GOLGA4: variants seen among roughly 807,000 people sequenced by gnomAD.
GOLGA4 encodes golgin A4.
A neutral mutation model predicts 265.9 loss-of-function variants in GOLGA4; 169 were observed. That is an observed-to-expected ratio of 0.64 (90% CI 0.56 to 0.72). The LOEUF (loss-of-function observed/expected upper bound fraction) is 0.72. GOLGA4 is among the 30% of genes least tolerant of loss of function. The pLI, the probability that GOLGA4 is intolerant of heterozygous loss-of-function variation, is 0.00. For missense variants in GOLGA4, 2,482 were observed against 2,483.4 expected, an observed-to-expected ratio of 1.00 and a Z score of 0.01; for synonymous variants, 923 against 855.8, an observed-to-expected ratio of 1.08 and a Z score of -1.37.
intron 21 of GOLGA4, 79 bp from the exon 22 acceptor site, chr3:37,355,022 C>A (rs1221604195): frequency 1.2e-6 from 1 of 817,892 alleles, no homozygotes. Context: ...AAGAATCCCA[C>A]CAGCAGAACA....
chr3:37,253,441 A>G (rs950918696), intron 2 of GOLGA4, among the ~76,000 whole-genome samples: 1 of 152,204 alleles, frequency 6.6e-6, no homozygotes, highest in African/African-American at 2.4e-5. Flanking sequence ...AGTTGAAGTA[A>G]GGTTTAGATT....
intron 2 of GOLGA4, among the ~76,000 whole-genome samples, chr3:37,262,597 T>C (rs1242838650): frequency 6.6e-6 from 1 of 151,644 alleles, no homozygotes; most frequent in Non-Finnish European, 1.5e-5. Flanking sequence ...AAGAGAAAAT[T>C]ATAGAATTCA....
At chr3:37,350,704 A>G (rs1302306626) in intron 21 of GOLGA4, among the ~76,000 whole-genome samples, 1 of 152,142 alleles carries the variant, frequency 6.6e-6, no homozygotes, top group East Asian at 1.9e-4. Context: ...AATGAATATC[A>G]CAATAAAGCA....
rs537478088 is a variant in GOLGA4 at position 37,335,871 on chromosome 3, T to C, written c.6306+705T>C. Among the ~76,000 whole-genome samples the C allele has an allele frequency of 4.7e-4, 72 of 152,100 alleles. 1 individual carries two copies. The South Asian group carries it at 5.6e-3, about 12-fold the overall frequency. On this transcript the variant is annotated intron_variant, in intron 17 of 23. Coordinates refer to ENST00000361924, the MANE Select transcript of GOLGA4 (RefSeq NM_002078.5). ...GCACCTCAGCAGCACACACCCACAG[T>C]TGGGGAAGGCTGGCACTGTACGTTT...
intron 10 of GOLGA4, among the ~76,000 whole-genome samples, chr3:37,311,530 A>G (rs1362434347): frequency 1.3e-5 from 2 of 152,230 alleles, no homozygotes; most frequent in African/African-American, 4.8e-5. Context: ...ATCGTTGCTT[A>G]AAGCCAATTT....
rs1239088380 is a variant in GOLGA4 at position 37,324,783 on chromosome 3, T to C, written c.2897T>C (p.Met966Thr). The C allele has an allele frequency of 1.9e-6, 3 of 1,584,036 alleles. No homozygotes were observed. The highest frequency in any genetic ancestry group is 2.4e-5 in the South Asian group (2 of 84,160). ...AAAGTTAAGCAGAAAGCAAAGGAGA[T>C]GCAAGAAACGTTAAAGAAAAAATTA... ...MEKVKQKAKE[M>T]QETLKKKLLD... Residue 966 changes from methionine to threonine, a missense_variant, in exon 14 of 24, where the codon ATG becomes ACG. Physicochemically the swap from Met to Thr is moderately conservative, Grantham distance 81 (BLOSUM62 -1). Transcript: ENST00000361924.
intron 20 of GOLGA4, among the ~76,000 whole-genome samples, chr3:37,342,070 G>C (rs7612888): frequency 0.31 from 46,554 of 151,884 alleles, 8,122 homozygotes; most frequent in Non-Finnish European, 0.4. Flanking sequence ...AGGCCGGGTG[G>C]GGTGGCTCAT....
chr3:37,268,510 G>C (rs1445340303), intron 2 of GOLGA4, among the ~76,000 whole-genome samples: 2 of 151,252 alleles, frequency 1.3e-5, no homozygotes, highest in Non-Finnish European at 2.9e-5. Flanking sequence ...AAAGTCATTT[G>C]TATTGAGTAC....
Position 37,321,772 on chromosome 3 carries a change from A to G in GOLGA4, c.1587A>G (p.Lys529=), listed in dbSNP as rs2096955639. Residue 529 remains lysine (K), a synonymous_variant, in exon 13 of 24, where the codon AAA becomes AAG. Coordinates refer to ENST00000361924, the MANE Select transcript of GOLGA4 (RefSeq NM_002078.5). ...AATATTTGAAGATCAGCCAAGAAAA[A>G]GAACAGCAAGAATCTTTGGCCCTAG... is the stretch of plus-strand genomic sequence containing the variant. ...QSEYLKISQE[K]EQQESLALEE... The G allele has an allele frequency of 1.2e-6, 2 of 1,611,296 alleles. No individual in the cohort carries two copies. The highest frequency in any genetic ancestry group is 1.7e-6 in the Non-Finnish European group (2 of 1,179,200).
chr3:37,296,002 C>T (rs2096877175), intron 6 of GOLGA4, 85 bp from the exon 7 acceptor site: 4 of 1,230,894 alleles, frequency 3.2e-6, no homozygotes, highest in Non-Finnish European at 4.7e-6. Flanking sequence ...AATCCTGGAA[C>T]CAATCCCCCA....
chr3:37,347,440 T>C (rs1017804780), intron 21 of GOLGA4, 144 bp downstream of exon 21: 10 of 505,036 alleles, frequency 2.0e-5, no homozygotes, highest in Non-Finnish European at 2.5e-5. Context: ...ATTTTATTGC[T>C]CTTAGTTTAC....
intron 7 of GOLGA4, among the ~76,000 whole-genome samples, chr3:37,297,837 G>A (rs1176547797): frequency 6.6e-6 from 1 of 152,136 alleles, no homozygotes; most frequent in East Asian, 1.9e-4. Context: ...GACTAGTCTG[G>A]CCAACATGGT....
chr3:37,275,372 G>A (rs2096813611), intron 2 of GOLGA4, among the ~76,000 whole-genome samples: 1 of 152,050 alleles, frequency 6.6e-6, no homozygotes, highest in Non-Finnish European at 1.5e-5. Flanking sequence ...CCAAGTCCCT[G>A]GGTCTGTTGA....
In GOLGA4 at chr3:37,298,865, A is replaced by T. The variant is rs762798896; in HGVS notation, c.847A>T (p.Thr283Ser). The change falls in exon 8 of 24, where the codon ACA becomes TCA. Residue 283 changes from threonine (T) to serine (S), a missense_variant. Physicochemically the swap from Thr to Ser is moderately conservative, Grantham distance 58 (BLOSUM62 1). Around this residue, in one of 3 missense-constraint regions of GOLGA4, gnomAD observed 1,536 missense variants for 1,483.7 expected, o/e 1.04. Transcript: ENST00000361924. ...TGGAACTTCTGTAAAAACACTGGAAACACTCCAGCAAAGAGTGAAGCGTCA... is the reference window on the plus strand; with the variant it reads ...TGGAACTTCTGTAAAAACACTGGAATCACTCCAGCAAAGAGTGAAGCGTCA... ...EDGTSVKTLETLQQRVKRQEN... is the reference protein window; with the variant it reads ...EDGTSVKTLESLQQRVKRQEN... The T allele has an allele frequency of 6.8e-6, 11 of 1,609,652 alleles. No individual in the cohort carries two copies. The highest frequency in any genetic ancestry group is 9.3e-6 in the Non-Finnish European group (11 of 1,178,744).
intron 9 of GOLGA4, among the ~76,000 whole-genome samples, chr3:37,300,565 A>G (rs1162013115): frequency 2.0e-5 from 3 of 151,618 alleles, no homozygotes; most frequent in Middle Eastern, 3.4e-3. Context: ...CTTTGAACCC[A>G]CCACCCCGCT....
chr3:37,326,502 T>C lies in GOLGA4; in HGVS notation c.4616T>C (p.Ile1539Thr). The C allele has an allele frequency of 1.2e-6, 2 of 1,607,194 alleles. No homozygotes were observed. The highest frequency in any genetic ancestry group is 1.7e-6 in the Non-Finnish European group (2 of 1,176,870). ...GAGGACCATATTACCCAGAAAACTATTGAAATAGAGTCCTTAAATGAAGTT... is the reference window on the plus strand; with the variant it reads ...GAGGACCATATTACCCAGAAAACTACTGAAATAGAGTCCTTAAATGAAGTT... ...ELEDHITQKTIEIESLNEVLK... is the reference protein window; with the variant it reads ...ELEDHITQKTTEIESLNEVLK... The change falls in exon 14 of 24, where the codon ATT (isoleucine) becomes ACT (threonine). Residue 1539 changes from isoleucine (I) to threonine (T), a missense_variant. Coordinates refer to ENST00000361924, the MANE Select transcript of GOLGA4 (RefSeq NM_002078.5).
In GOLGA4 at chr3:37,248,678, G is replaced by A. The variant is rs538292421; in HGVS notation, c.73-2717G>A. 5.9e-5 allele frequency among the ~76,000 whole-genome samples: 9 copies of A among 152,322 alleles called. No homozygotes were observed. The Middle Eastern group carries it at 0.014, about 230-fold the overall frequency. On this transcript the variant is annotated intron_variant, in intron 1 of 23. Coordinates refer to ENST00000361924, the MANE Select transcript of GOLGA4 (RefSeq NM_002078.5). ...TTTGCCAGATAGTACTACTTTTCTA[G>A]GGAGAGTATGTTTTAGAATCTGTTA...
chr3:37,337,769 A>C, intron 19 of GOLGA4, 35 bp downstream of exon 19: 5 of 1,359,654 alleles, frequency 3.7e-6, no homozygotes, highest in Non-Finnish European at 5.3e-6. Flanking sequence ...ATTTTGAACT[A>C]AAGTTTCGTT....
rs1474645208 is a variant in GOLGA4 at position 37,321,809 on chromosome 3, T to C, written c.1624T>C (p.Leu542=). The change falls in exon 13 of 24, where the codon TTG becomes CTG. Residue 542 remains leucine (L), a synonymous_variant. Coordinates refer to ENST00000361924, the MANE Select transcript of GOLGA4 (RefSeq NM_002078.5). ...QESLALEELE[L]QKKAILTESE... is the part of the protein sequence containing the mutation. ...ATCTTTGGCCCTAGAAGAGTTAGAGTTGCAGAAAAAAGCAATCCTCACAGA... is the reference window on the plus strand; with the variant it reads ...ATCTTTGGCCCTAGAAGAGTTAGAGCTGCAGAAAAAAGCAATCCTCACAGA... 1.2e-6 allele frequency: 2 copies of C among 1,612,398 alleles called. No homozygotes were observed. The highest frequency in any genetic ancestry group is 8.5e-7 in the Non-Finnish European group (1 of 1,179,198).
Sources: gnomAD v4.1 joint callset for allele counts (sites outside exome capture counted in the v4.1 genomes callset) on GRCh38, gnomAD v4.1.1 for gene constraint, gnomAD v4.1.1 regional missense constraint, MANE v1.5 for transcripts, NCBI Gene and HGNC (gene_info 2026-07-23, HGNC 2026-07-21) for gene names.